POU6F2: variants seen among roughly 807,000 people sequenced by gnomAD.
The protein encoded by POU6F2 is POU domain, class 6, transcription factor 2.
Under a neutral mutation model 71.3 loss-of-function variants are expected in POU6F2, and 31 were observed. That is an observed-to-expected ratio of 0.43 (90% CI 0.33 to 0.59). The LOEUF (loss-of-function observed/expected upper bound fraction) is 0.59, where lower values mean the gene tolerates loss of function less well. Among genes scored for constraint, POU6F2 ranks in the 20% least tolerant of loss-of-function variants. The probability of loss-of-function intolerance (pLI) is 0.04; values close to 1 mark genes in which losing one functional copy is unlikely to be tolerated. For synonymous variants in POU6F2, 347 were observed against 355.7 expected, an observed-to-expected ratio of 0.98 and a Z score of 0.27; for missense variants, 783 against 856.8, an observed-to-expected ratio of 0.91 and a Z score of 1.07.
intron 4 of POU6F2, among the ~76,000 whole-genome samples, chr7:39,208,346 G>C (rs1472339834): frequency 1.3e-5 from 2 of 152,124 alleles, no homozygotes; most frequent in African/African-American, 2.4e-5. Flanking sequence ...AAAATGACCT[G>C]AATATAAATA....
chr7:39,280,648 G>T (rs1032524360), intron 4 of POU6F2, among the ~76,000 whole-genome samples: 1 of 152,166 alleles, frequency 6.6e-6, no homozygotes, highest in African/African-American at 2.4e-5. Flanking sequence ...AAGTGGGATA[G>T]GTGGGTTCTT....
intron 4 of POU6F2, among the ~76,000 whole-genome samples, chr7:39,266,586 A>C (rs1320096361): frequency 6.6e-6 from 1 of 151,836 alleles, no homozygotes. Context: ...GCTGGGGCAC[A>C]ATGGTGTGAT....
At chr7:39,322,498 A>C (rs1034813146) in intron 4 of POU6F2, among the ~76,000 whole-genome samples, 3 of 152,176 alleles carry the variant, frequency 2.0e-5, no homozygotes, top group African/African-American at 7.2e-5. Flanking sequence ...TTATGATTTA[A>C]TCTGTCCATC....
chr7:39,174,485 A>T (rs146490825), intron 2 of POU6F2, among the ~76,000 whole-genome samples: 85 of 152,102 alleles, frequency 5.6e-4, no homozygotes, highest in African/African-American at 2.0e-3. Flanking sequence ...TATTACTGTG[A>T]TCTCTTTATT....
intron 4 of POU6F2, among the ~76,000 whole-genome samples, chr7:39,263,021 A>G (rs1025712346): frequency 1.3e-5 from 2 of 152,184 alleles, no homozygotes; most frequent in African/African-American, 4.8e-5. Context: ...TGATTGTGGC[A>G]ATTTGTATCC....
intron 2 of POU6F2, among the ~76,000 whole-genome samples, chr7:39,128,010 T>C (rs1373347997): frequency 3.3e-5 from 5 of 151,936 alleles, no homozygotes; most frequent in Non-Finnish European, 7.4e-5. Flanking sequence ...GCCCGGCTAA[T>C]TTTTTGTGTT....
intron 7 of POU6F2, among the ~76,000 whole-genome samples, chr7:39,446,596 T>C (rs1255663090): frequency 1.3e-5 from 2 of 152,226 alleles, no homozygotes; most frequent in Admixed American, 1.3e-4. Flanking sequence ...AGTGTGCTGT[T>C]ATTTCAGTCT....
At chr7:39,451,397 A>T in intron 7 of POU6F2, 136 bp from the exon 8 acceptor site, 1 of 800,966 alleles carries the variant, frequency 1.2e-6, no homozygotes, top group Non-Finnish European at 1.9e-6. Context: ...CCTGCTGTGT[A>T]GGGTGCGCAC....
intron 2 of POU6F2, among the ~76,000 whole-genome samples, chr7:39,109,832 A>C (rs1791767395): frequency 2.6e-5 from 4 of 152,200 alleles, no homozygotes; most frequent in Admixed American, 2.6e-4. Context: ...GGTAGATCGA[A>C]GTAGCTCTTG....
intron 3 of POU6F2, among the ~76,000 whole-genome samples, chr7:39,207,020 A>G (rs1214330975): frequency 6.6e-6 from 1 of 152,200 alleles, no homozygotes; most frequent in African/African-American, 2.4e-5. Flanking sequence ...TTTTGAATCA[A>G]AAAATCCCAC....
intron 8 of POU6F2, 113 bp downstream of exon 8, chr7:39,451,814 C>A: frequency 7.6e-7 from 1 of 1,312,056 alleles, no homozygotes; most frequent in South Asian, 1.4e-5. Flanking sequence ...TTCTCTCAAC[C>A]CTGCACAGGA....
chr7:39,012,108 C>A (rs1312004750), intron 1 of POU6F2, among the ~76,000 whole-genome samples: 1 of 151,206 alleles, frequency 6.6e-6, no homozygotes, highest in Non-Finnish European at 1.5e-5. Context: ...GGATAATATC[C>A]TGCAGAGTGT....
At chr7:39,393,080 A>G (rs1269285204) in intron 5 of POU6F2, among the ~76,000 whole-genome samples, 1 of 152,204 alleles carries the variant, frequency 6.6e-6, no homozygotes, top group African/African-American at 2.4e-5. Context: ...AATCTATACA[A>G]CAATACAAAA....
Position 39,162,907 on chromosome 7 carries a change from GTCATA to G in POU6F2, c.278-41323_278-41319del, listed in dbSNP as rs559913866. On this transcript the variant is annotated intron_variant, in intron 2 of 9. Coordinates refer to ENST00000518318, the MANE Select transcript of POU6F2 (RefSeq NM_001370959.1). ...TTTCTAGGCATCTGTAACATGGTTT[GTCATA>G]TCATTCTAGGGACGACTGGGGCATG... Among the ~76,000 whole-genome samples, 308 of 152,256 alleles carry G rather than the reference GTCATA, an allele frequency of 2.0e-3. 1 individual carries two copies. Among genetic ancestry groups the G allele is most frequent in the African/African-American group, 7.2e-3 (300 of 41,550 alleles).
chr7:39,208,494 A>G (rs539821010), intron 4 of POU6F2, among the ~76,000 whole-genome samples: 107 of 152,334 alleles, frequency 7.0e-4, no homozygotes, highest in African/African-American at 2.2e-3. Flanking sequence ...ATAGCAATTT[A>G]AAATACTTTT....
At chr7:39,003,681 A>T (rs1172010557) in intron 1 of POU6F2, among the ~76,000 whole-genome samples, 1 of 151,798 alleles carries the variant, frequency 6.6e-6, no homozygotes, top group African/African-American at 2.4e-5. Context: ...CCTGGGAGGC[A>T]GAGCTTGCAG....
chr7:38,992,123 A>G lies in POU6F2; in HGVS notation c.105+14065A>G, dbSNP rs1393047590. On this transcript the variant is annotated intron_variant, in intron 1 of 9. Coordinates refer to ENST00000518318, the MANE Select transcript of POU6F2 (RefSeq NM_001370959.1). Reference sequence around the variant, plus strand: ...ATGTCCTGGCCTGTAGCGGGAGCTCAGTGGGCACTATGGAATGACTGCTTC... The same window carrying G: ...ATGTCCTGGCCTGTAGCGGGAGCTCGGTGGGCACTATGGAATGACTGCTTC... Among the ~76,000 whole-genome samples the G allele has an allele frequency of 2.0e-5, 3 of 152,142 alleles. No homozygotes were observed. In the East Asian group the frequency reaches 5.8e-4, roughly 29 times the overall value.
chr7:39,339,161 A>G (rs906081702), intron 4 of POU6F2, among the ~76,000 whole-genome samples: 1 of 152,028 alleles, frequency 6.6e-6, no homozygotes, highest in African/African-American at 2.4e-5. Flanking sequence ...AGCAAGTGAA[A>G]ATGATACCAT....
At chr7:39,436,749 G>A (rs1454217971) in intron 7 of POU6F2, among the ~76,000 whole-genome samples, 1 of 152,114 alleles carries the variant, frequency 6.6e-6, no homozygotes, top group African/African-American at 2.4e-5. Flanking sequence ...ATATTATATT[G>A]GCTGTGGGTT....
Sources: gnomAD v4.1 joint callset for allele counts (sites outside exome capture counted in the v4.1 genomes callset) on GRCh38, gnomAD v4.1.1 for gene constraint, MANE v1.5 for transcripts, NCBI Gene and HGNC (gene_info 2026-07-23, HGNC 2026-07-21) for gene names.